The following ANKRD16 variants were observed in gnomAD, a reference collection of about 807,000 sequenced individuals.
The protein encoded by ANKRD16 is ankyrin repeat domain 16.
A neutral mutation model predicts 37.9 loss-of-function variants in ANKRD16; 35 were observed. The observed-to-expected ratio is 0.92, with a 90% confidence interval of 0.71 to 1.23. The LOEUF (loss-of-function observed/expected upper bound fraction) is 1.23, where lower values mean the gene tolerates loss of function less well. ANKRD16 is among the 50% of genes most tolerant of loss of function. ANKRD16 has a pLI of 0.00. For missense variants in ANKRD16, 480 were observed against 469.9 expected, an observed-to-expected ratio of 1.02 and a Z score of -0.20; for synonymous variants, 206 against 197.2, an observed-to-expected ratio of 1.04 and a Z score of -0.37.
chr10:5,881,438 T>TTATAAAAAAATA (rs1422263395), intron 5 of ANKRD16, among the ~76,000 whole-genome samples: 7 of 51,026 alleles, frequency 1.4e-4, no homozygotes, highest in African/African-American at 3.7e-4. Flanking sequence ...AAAATATTAT[T>TTATAAAAAAATA]TATATATATA....
rs71388492 is a variant in ANKRD16 at position 5,875,713 on chromosome 10, C to CT, written c.*33+2383dup. 2.4e-4 allele frequency among the ~76,000 whole-genome samples: 25 copies of CT among 106,372 alleles called. No individual in the cohort carries two copies. In the East Asian group the frequency reaches 3.1e-3, roughly 13 times the overall value. The allele number at this position is 106,372 out of a possible 152,430, so 69.8% of individuals were successfully genotyped here. A position where few individuals can be genotyped will look rare whatever the true frequency, so the allele number is the denominator to read the frequency against. On this transcript the variant is annotated intron_variant, in intron 7 of 7. Coordinates refer to ENST00000380094, the MANE Select transcript of ANKRD16 (RefSeq NM_019046.3). Reference sequence around the variant, plus strand: ...TACTCTCTTTGCTGCAATTAATGTTCTTTTTTTTTTTTTTTTTGAGACAGA... The same window carrying CT: ...TACTCTCTTTGCTGCAATTAATGTTCTTTTTTTTTTTTTTTTTTGAGACAGA...
In ANKRD16 at chr10:5,869,235, T is replaced by C. The variant is rs1165530840; in HGVS notation, c.*34-6544A>G. 6.6e-6 allele frequency among the ~76,000 whole-genome samples: 1 copy of C among 152,220 alleles called. No homozygotes were observed. The highest frequency in any genetic ancestry group is 2.4e-5 in the African/African-American group (1 of 41,458). On this transcript the variant is annotated intron_variant, in intron 7 of 7. Transcript: ENST00000380094. The surrounding 1 kb of genome is among the most constrained non-coding windows in gnomAD (Gnocchi z 4.0). Reference sequence around the variant, plus strand: ...GTGTTTATTGCCTTGGCCGTGGTGATAGTTTCCTGGGAGCACAAATATGTC... The same window carrying C: ...GTGTTTATTGCCTTGGCCGTGGTGACAGTTTCCTGGGAGCACAAATATGTC...
At chr10:5,883,218 C>A (rs779175705) in intron 4 of ANKRD16, 51 bp from the exon 5 acceptor site, 4 of 1,575,678 alleles carry the variant, frequency 2.5e-6, no homozygotes, top group Middle Eastern at 1.8e-4. Flanking sequence ...AGAAACAGGG[C>A]AACTTAGATC....
chr10:5,862,626 C>A lies in ANKRD16; in HGVS notation c.*99G>T. 7.8e-7 allele frequency: 1 copy of A among 1,289,428 alleles called. No individual in the cohort carries two copies. The highest frequency in any genetic ancestry group is 5.5e-5 in the East Asian group (1 of 18,024). 79.9% of individuals were successfully genotyped at this position (1,289,428 alleles called of 1,614,324 possible). A position where few individuals can be genotyped will look rare whatever the true frequency, so the allele number is the denominator to read the frequency against. On this transcript the variant is annotated 3_prime_UTR_variant, in exon 8 of 8. Transcript: ENST00000380094. This position sits in a 1 kb window ranked among gnomAD's most constrained non-coding sequence, Gnocchi z 6.5. Reference sequence around the variant, plus strand: ...TTGGTTGAACTCAGGTTCAGGATGACTGAAGCAAGTTGCACTTGGCTTTCT... The same window carrying A: ...TTGGTTGAACTCAGGTTCAGGATGAATGAAGCAAGTTGCACTTGGCTTTCT...
At position 5,863,859 on chromosome 10, in the gene ANKRD16, G is replaced by A. The variant is rs1381850697; in HGVS notation, c.*34-1168C>T. 1.3e-5 allele frequency among the ~76,000 whole-genome samples: 2 copies of A among 152,144 alleles called. No homozygotes were observed. The highest frequency in any genetic ancestry group is 4.8e-5 in the African/African-American group (2 of 41,404). On this transcript the variant is annotated intron_variant, in intron 7 of 7. Coordinates refer to ENST00000380094, the MANE Select transcript of ANKRD16 (RefSeq NM_019046.3). This position sits in a 1 kb window ranked among gnomAD's most constrained non-coding sequence, Gnocchi z 4.7. ...ACGGCTTCATTGTTGAAGTCAGTGA[G>A]ACCAAGAACGCACCAGAAGGAATAA... is the stretch of plus-strand genomic sequence containing the variant.
Position 5,874,789 on chromosome 10 carries a change from C to T in ANKRD16, c.*33+3308G>A. Among the ~76,000 whole-genome samples, 1 of 152,098 alleles carries T rather than the reference C, an allele frequency of 6.6e-6. No homozygotes were observed. The highest frequency in any genetic ancestry group is 2.4e-5 in the African/African-American group (1 of 41,408). The stretch of plus-strand genomic sequence containing the variant: ...GAGTGTTACTGACATTAGGGTGTAG[C>T]TGAAACCCGAGGCATGGACGACAAC... On this transcript the variant is annotated intron_variant, in intron 7 of 7. Coordinates refer to ENST00000380094, the MANE Select transcript of ANKRD16 (RefSeq NM_019046.3). The surrounding 1 kb of genome is among the most constrained non-coding windows in gnomAD (Gnocchi z 4.7).
At position 5,884,063 on chromosome 10, in the gene ANKRD16, G is replaced by A; in HGVS notation, c.593C>T (p.Pro198Leu). ...KVLLKRCQYEPDYRDNCGVTA... is the reference protein window; with the variant it reads ...KVLLKRCQYELDYRDNCGVTA... The stretch of plus-strand genomic sequence containing the variant: ...GACGCCACAGTTGTCTCTGTAGTCT[G>A]GTTCATATTGGCACCTAGAGCCAAA... The change falls in exon 4 of 8, where the codon CCA becomes CTA. Residue 198 changes from proline to leucine, a missense_variant. Physicochemically the swap from Pro to Leu is moderately conservative, Grantham distance 98. Transcript: ENST00000380094. 1 of 1,613,936 alleles carries A rather than the reference G, an allele frequency of 6.2e-7. No homozygotes were observed.
chr10:5,870,982 T>C lies in ANKRD16; in HGVS notation c.*33+7115A>G, dbSNP rs1452568999. Among the ~76,000 whole-genome samples the C allele has an allele frequency of 3.3e-5, 5 of 152,182 alleles. No individual in the cohort carries two copies. The highest frequency in any genetic ancestry group is 1.3e-4 in the Admixed American group (2 of 15,270). On this transcript the variant is annotated intron_variant, in intron 7 of 7. Coordinates refer to ENST00000380094, the MANE Select transcript of ANKRD16 (RefSeq NM_019046.3). The surrounding 1 kb of genome is among the most constrained non-coding windows in gnomAD (Gnocchi z 5.0). ...TTTCAGCATGGTAGGAGGAGGCAGG[T>C]TCTGCAAATGCTGCAGGGTGGGTTA...
chr10:5,868,561 CA>C lies in ANKRD16; in HGVS notation c.*34-5871del, dbSNP rs1329342450. ...GCTAAAGGATTGTAAACACACCAAT[CA>C]GCACTCTGTAAAATGGACCAATCAG... On this transcript the variant is annotated intron_variant, in intron 7 of 7. Transcript: ENST00000380094. The surrounding 1 kb of genome is among the most constrained non-coding windows in gnomAD (Gnocchi z 4.9). Among the ~76,000 whole-genome samples, 3 of 152,186 alleles carry C rather than the reference CA, an allele frequency of 2.0e-5. No individual in the cohort carries two copies. The highest frequency in any genetic ancestry group is 4.4e-5 in the Non-Finnish European group (3 of 68,050).
chr10:5,882,799 T>G (rs1842338309), intron 5 of ANKRD16: 1 of 488,740 alleles, frequency 2.0e-6, no homozygotes, highest in Non-Finnish European at 3.4e-6. Context: ...AAAAGGCTTT[T>G]TTTTAAAGTT....
Position 5,874,341 on chromosome 10 carries a change from A to T in ANKRD16, c.*33+3756T>A, listed in dbSNP as rs2131762769. Among the ~76,000 whole-genome samples the T allele has an allele frequency of 6.6e-6, 1 of 152,386 alleles. No individual in the cohort carries two copies. Among genetic ancestry groups the T allele is most frequent in the East Asian group, 1.9e-4 (1 of 5,196 alleles). On this transcript the variant is annotated intron_variant, in intron 7 of 7. Coordinates refer to ENST00000380094, the MANE Select transcript of ANKRD16 (RefSeq NM_019046.3). This position sits in a 1 kb window ranked among gnomAD's most constrained non-coding sequence, Gnocchi z 4.7. ...AGTACGTGCTCTGGGAGGCAGGTTA[A>T]GCCACAATTGGCAATCAATGCCCTT...
At chr10:5,876,358 C>T (rs1471486148) in intron 7 of ANKRD16, among the ~76,000 whole-genome samples, 1 of 152,132 alleles carries the variant, frequency 6.6e-6, no homozygotes, top group Non-Finnish European at 1.5e-5. Context: ...AGAAGCAAAG[C>T]CAAGTGGAAG....
In ANKRD16 at chr10:5,862,491, C is replaced by G; in HGVS notation, c.*234G>C. 1.4e-6 allele frequency: 1 copy of G among 717,062 alleles called. No individual in the cohort carries two copies. The highest frequency in any genetic ancestry group is 2.1e-6 in the Non-Finnish European group (1 of 479,344). 44.4% of individuals were successfully genotyped at this position (717,062 alleles called of 1,614,324 possible). A position where few individuals can be genotyped will look rare whatever the true frequency, so the allele number is the denominator to read the frequency against. The stretch of plus-strand genomic sequence containing the variant: ...ATCAGCAACCATTTTTGGAGACAGA[C>G]CCAGGGAGCTGACCTTGGGGGCCAG... On this transcript the variant is annotated 3_prime_UTR_variant, in exon 8 of 8. Coordinates refer to ENST00000380094, the MANE Select transcript of ANKRD16 (RefSeq NM_019046.3). This position sits in a 1 kb window ranked among gnomAD's most constrained non-coding sequence, Gnocchi z 6.5.
At chr10:5,883,343 T>TGAG (rs1842352250) in intron 4 of ANKRD16, among the ~76,000 whole-genome samples, 176 bp from the exon 5 acceptor site, 4 of 152,254 alleles carry the variant, frequency 2.6e-5, no homozygotes, top group African/African-American at 7.2e-5. Context: ...AGACGAAGTC[T>TGAG]CACTCTGTTG....
At chr10:5,881,438 T>TTATAAAAATATATATATATATATATA (rs1422263395) in intron 5 of ANKRD16, among the ~76,000 whole-genome samples, 1 of 51,024 alleles carries the variant, frequency 2.0e-5, no homozygotes, top group Admixed American at 2.5e-4. Context: ...AAAATATTAT[T>TTATAAAAATATATATATATATATATA]TATATATATA....
At chr10:5,888,129 A>T (rs1013762451) in intron 1 of ANKRD16, 62 bp from the exon 2 acceptor site, 1 of 1,474,690 alleles carries the variant, frequency 6.8e-7, no homozygotes, top group African/African-American at 1.4e-5. Flanking sequence ...GCCAGGGGCC[A>T]GGTCTTCAAA....
Position 5,864,497 on chromosome 10 carries a change from C to T in ANKRD16, c.*34-1806G>A, listed in dbSNP as rs754919939. 3.3e-5 allele frequency among the ~76,000 whole-genome samples: 5 copies of T among 152,106 alleles called. No individual in the cohort carries two copies. The highest frequency in any genetic ancestry group is 1.2e-4 in the African/African-American group (5 of 41,374). ...TATATCCTGATAGGTATATAGATGT[C>T]CCACAGGGTCCAGGGCAAACCTTCA... On this transcript the variant is annotated intron_variant, in intron 7 of 7. Coordinates refer to ENST00000380094, the MANE Select transcript of ANKRD16 (RefSeq NM_019046.3). This position sits in a 1 kb window ranked among gnomAD's most constrained non-coding sequence, Gnocchi z 4.4.
chr10:5,884,138 T>G, intron 3 of ANKRD16, 61 bp from the exon 4 acceptor site: 1 of 1,294,146 alleles, frequency 7.7e-7, no homozygotes, highest in Non-Finnish European at 1.1e-6. Flanking sequence ...CAGGGGACAG[T>G]TGACACCTGA....
rs1304585475 is a variant in ANKRD16, at chr10:5,872,016, C to T, written c.*33+6081G>A. 2.6e-5 allele frequency among the ~76,000 whole-genome samples: 4 copies of T among 152,034 alleles called. No homozygotes were observed. The East Asian group carries it at 5.8e-4, about 22-fold the overall frequency. On this transcript the variant is annotated intron_variant, in intron 7 of 7. Transcript: ENST00000380094. ...TCTGTCCCCAACCTGCCGCCCTTGC[C>T]TCCAGTTGAATTTGACAGAGATTAC...
Sources: allele counts gnomAD v4.1 joint callset (sites outside exome capture counted in the v4.1 genomes callset), GRCh38; gene constraint gnomAD v4.1.1; non-coding constraint Gnocchi (gnomAD v3.1); transcripts MANE v1.5; gene names NCBI Gene and HGNC (gene_info 2026-07-23, HGNC 2026-07-21).